Variants in CNTN5 observed in about 807,000 individuals in gnomAD.
CNTN5 encodes the protein contactin 5, also known as contactin-5.
CNTN5 carries 77 observed loss-of-function variants against 129.1 expected under a neutral mutation model. The observed-to-expected ratio is 0.60, with a 90% CI of 0.50 to 0.72. The LOEUF is 0.72. Among genes scored for constraint, CNTN5 ranks in the 30% least tolerant of loss-of-function variants. The pLI is 0.00. For synonymous variants in CNTN5, 509 were observed against 465.6 expected (o/e 1.09, Z -1.20); for missense variants, 1,478 against 1,328.8 (o/e 1.11, Z -1.75).
At chr11:99,090,764 T>A (rs1866210565) in intron 1 of CNTN5, among the ~76,000 whole-genome samples, 1 of 148,066 alleles carries the variant, frequency 6.8e-6, no homozygotes, top group Non-Finnish European at 1.5e-5. Flanking sequence ...GGCTCACGCC[T>A]GTAATCCCAG....
chr11:100,284,319 C>G (rs921042860), intron 18 of CNTN5, among the ~76,000 whole-genome samples: 3 of 152,174 alleles, frequency 2.0e-5, no homozygotes, highest in Admixed American at 2.0e-4. Context: ...TTCTATTCTG[C>G]CATCTTGCTC....
intron 13 of CNTN5, among the ~76,000 whole-genome samples, chr11:100,158,173 A>AAAAT (rs1947320804): frequency 6.6e-6 from 1 of 151,826 alleles, no homozygotes. Flanking sequence ...TACAAAGCTA[A>AAAAT]AAATGATCTA....
At chr11:100,277,172 C>A (rs1412598689) in intron 18 of CNTN5, among the ~76,000 whole-genome samples, 1 of 152,106 alleles carries the variant, frequency 6.6e-6, no homozygotes, top group Non-Finnish European at 1.5e-5. Flanking sequence ...TTGTATGGCT[C>A]AATAATACTA....
At chr11:100,178,895 G>A (rs140047364) in intron 13 of CNTN5, among the ~76,000 whole-genome samples, 16 of 152,260 alleles carry the variant, frequency 1.1e-4, no homozygotes, top group Admixed American at 2.0e-4. Flanking sequence ...AAGATTCAAC[G>A]TCACTTGCTG....
intron 24 of CNTN5, among the ~76,000 whole-genome samples, chr11:100,355,029 T>C (rs1036401812): frequency 6.6e-6 from 1 of 151,690 alleles, no homozygotes; most frequent in Non-Finnish European, 1.5e-5. Context: ...TAGGCTATAT[T>C]ACATTTATAA....
intron 3 of CNTN5, among the ~76,000 whole-genome samples, chr11:99,656,303 A>G (rs922986863): frequency 2.0e-5 from 3 of 152,052 alleles, no homozygotes; most frequent in African/African-American, 7.2e-5. Flanking sequence ...TTCTCCCTCC[A>G]CCTTCTTAAT....
chr11:99,786,069 CTG>C (rs912421475), intron 3 of CNTN5, among the ~76,000 whole-genome samples: 15 of 152,112 alleles, frequency 9.9e-5, no homozygotes, highest in African/African-American at 3.6e-4. Flanking sequence ...CAAATTGTGT[CTG>C]TTTGCAGATC....
At chr11:100,219,400 G>A (rs1949215371) in intron 15 of CNTN5, among the ~76,000 whole-genome samples, 1 of 152,172 alleles carries the variant, frequency 6.6e-6, no homozygotes, top group Non-Finnish European at 1.5e-5. Context: ...AGTCAGCCCA[G>A]GAAAACATGA....
chr11:100,252,771 C>A (rs1403286661), intron 16 of CNTN5, among the ~76,000 whole-genome samples: 1 of 152,168 alleles, frequency 6.6e-6, no homozygotes, highest in African/African-American at 2.4e-5. Flanking sequence ...TTGGATCTCT[C>A]TCTCCACAGA....
chr11:99,857,670 A>G (rs1948081318), intron 6 of CNTN5, among the ~76,000 whole-genome samples: 1 of 152,158 alleles, frequency 6.6e-6, no homozygotes, highest in South Asian at 2.1e-4. Context: ...GTAATATCTT[A>G]CATATCATAT....
intron 7 of CNTN5, among the ~76,000 whole-genome samples, chr11:99,945,357 C>G (rs1346895710): frequency 6.6e-6 from 1 of 151,978 alleles, no homozygotes; most frequent in African/African-American, 2.4e-5. Flanking sequence ...GACTGTCCTG[C>G]AAAGTCAAAT....
chr11:99,143,374 A>G (rs1859623151), intron 1 of CNTN5, among the ~76,000 whole-genome samples: 1 of 148,458 alleles, frequency 6.7e-6, no homozygotes, highest in South Asian at 2.1e-4. Flanking sequence ...TTATAAAATT[A>G]CATATATAAA....
chr11:99,555,914 T>G (rs1460768570), intron 2 of CNTN5, among the ~76,000 whole-genome samples: 1 of 151,912 alleles, frequency 6.6e-6, no homozygotes, highest in Non-Finnish European at 1.5e-5. Context: ...GAGTATTCAA[T>G]GTAGATAAAT....
intron 3 of CNTN5, among the ~76,000 whole-genome samples, chr11:99,609,378 T>C (rs1950528745): frequency 6.6e-6 from 1 of 152,140 alleles, no homozygotes; most frequent in African/African-American, 2.4e-5. Context: ...AAGGAAGGGC[T>C]CCTCATAATA....
At chr11:99,485,335 T>A (rs892734023) in intron 2 of CNTN5, among the ~76,000 whole-genome samples, 1 of 152,074 alleles carries the variant, frequency 6.6e-6, no homozygotes, top group Non-Finnish European at 1.5e-5. Flanking sequence ...AGAACTATTC[T>A]ATATGTTACT....
chr11:100,337,015 C>T (rs1010587180), intron 21 of CNTN5: 6 of 855,640 alleles, frequency 7.0e-6, no homozygotes, highest in Admixed American at 5.1e-5. Flanking sequence ...ATCTCAGCTG[C>T]TTTCTGCCAC....
At chr11:99,660,637 G>A (rs903369195) in intron 3 of CNTN5, among the ~76,000 whole-genome samples, 1 of 152,128 alleles carries the variant, frequency 6.6e-6, no homozygotes, top group Non-Finnish European at 1.5e-5. Context: ...GGTAGAGCCA[G>A]CATGACTTGT....
intron 13 of CNTN5, among the ~76,000 whole-genome samples, chr11:100,078,880 T>C (rs1392801694): frequency 1.3e-5 from 2 of 152,002 alleles, no homozygotes; most frequent in East Asian, 3.9e-4. Flanking sequence ...TCCTATAAAG[T>C]ACTGCCCAAG....
At chr11:99,816,921 T>A (rs1374574000) in intron 3 of CNTN5, among the ~76,000 whole-genome samples, 1 of 152,184 alleles carries the variant, frequency 6.6e-6, no homozygotes, top group Non-Finnish European at 1.5e-5. Flanking sequence ...TATCTTTCTT[T>A]CCCTACTGAA....
Sources: allele counts gnomAD v4.1 joint callset (sites outside exome capture counted in the v4.1 genomes callset), GRCh38; gene constraint gnomAD v4.1.1; transcripts MANE v1.5; gene names NCBI Gene and HGNC (gene_info 2026-07-23, HGNC 2026-07-21).